DNAI7: variants seen among roughly 807,000 people sequenced by gnomAD.
DNAI7 encodes the protein cancer susceptibility 1.
In DNAI7, 78 loss-of-function variants were observed where a neutral mutation model predicts 86.6. The observed-to-expected ratio is 0.90, with a 90% confidence interval of 0.75 to 1.09. DNAI7 has a LOEUF of 1.09. Ranked by LOEUF, DNAI7 falls within the 50% of genes least tolerant of loss-of-function variation. The pLI is 0.00. For synonymous variants in DNAI7, 274 were observed against 273.0 expected, an observed-to-expected ratio of 1.00 and a Z score of -0.04; for missense variants, 753 against 810.2, an observed-to-expected ratio of 0.93 and a Z score of 0.86.
chr12:25,131,543 A>C (rs1942924304), intron 9 of DNAI7, among the ~76,000 whole-genome samples: 1 of 152,210 alleles, frequency 6.6e-6, no homozygotes, highest in African/African-American at 2.4e-5. Flanking sequence ...ATGCCGGATC[A>C]CTAAAGGGGT....
At chr12:25,116,837 C>G (rs568187037) in intron 12 of DNAI7, among the ~76,000 whole-genome samples, 1 of 152,258 alleles carries the variant, frequency 6.6e-6, no homozygotes, top group South Asian at 2.1e-4. Context: ...GGAATATTAC[C>G]ATTAAAGTGA....
chr12:25,121,679 T>C, intron 11 of DNAI7, 74 bp downstream of exon 11: 1 of 1,203,078 alleles, frequency 8.3e-7, no homozygotes, highest in Non-Finnish European at 1.2e-6. Flanking sequence ...TTATTAGATG[T>C]TAGATAATAT....
At chr12:25,159,586 G>A (rs1454912076) in intron 3 of DNAI7, among the ~76,000 whole-genome samples, 1 of 152,124 alleles carries the variant, frequency 6.6e-6, no homozygotes, top group East Asian at 1.9e-4. Context: ...ACCTATCATG[G>A]CAATGAAGAG....
At chr12:25,107,418 C>T (rs1397845441), downstream of DNAI7, among the ~76,000 whole-genome samples, 1 of 152,148 alleles carries the variant, frequency 6.6e-6, no homozygotes, top group African/African-American at 2.4e-5. Context: ...GGTCTTGGAG[C>T]ATATCCCACA....
intron 4 of DNAI7, 62 bp downstream of exon 4, chr12:25,158,409 TG>T: frequency 7.5e-7 from 1 of 1,331,718 alleles, no homozygotes. Flanking sequence ...GGACATTAAA[TG>T]ACAATAAATC....
chr12:25,175,009 G>A (rs932910193), intron 2 of DNAI7, among the ~76,000 whole-genome samples: 4 of 151,908 alleles, frequency 2.6e-5, no homozygotes, highest in Non-Finnish European at 4.4e-5. Flanking sequence ...ATACGGTGCA[G>A]TGTATACTGC....
chr12:25,185,741 G>T, intron 2 of DNAI7: 1 of 980,104 alleles, frequency 1.0e-6, no homozygotes, highest in Non-Finnish European at 1.2e-6. Flanking sequence ...ATGAAAACCA[G>T]GACTCACTCT....
chr12:25,121,738 C>G lies in DNAI7; in HGVS notation c.1239+15G>C, dbSNP rs1378710919. ...ATTATTTTACTTATAAGTTTTGATT[C>G]AAGAATCAACCTACTTCCACAATCA... On this transcript the variant is annotated intron_variant, in intron 11 of 15. Transcript: ENST00000395987. 6.3e-7 allele frequency: 1 copy of G among 1,583,296 alleles called. No individual in the cohort carries two copies. The highest frequency in any genetic ancestry group is 8.5e-7 in the Non-Finnish European group (1 of 1,169,732).
chr12:25,168,801 G>A (rs907422360), intron 2 of DNAI7, among the ~76,000 whole-genome samples: 8 of 151,992 alleles, frequency 5.3e-5, no homozygotes, highest in Non-Finnish European at 7.4e-5. Context: ...TTTAATACCT[G>A]TTTTTCTCCT....
intron 13 of DNAI7, among the ~76,000 whole-genome samples, chr12:25,113,269 G>T (rs10842470): frequency 0.62 from 89,094 of 144,478 alleles, 29,208 homozygotes; most frequent in East Asian, 0.9. Context: ...CACCTAGTTT[G>T]TTGTTGTTGC....
rs775335971 is a variant in DNAI7 at position 25,110,213 on chromosome 12, G to A, written c.1807C>T (p.Arg603Ter). The change falls in exon 15 of 16, where the codon CGA (arginine) becomes TGA (stop). Residue 603 changes from arginine (R) to a stop codon, truncating the protein, a stop_gained. Coordinates refer to ENST00000395987, the MANE Select transcript of DNAI7 (RefSeq NM_018272.5). LOFTEE classifies it high-confidence loss of function. The stretch of plus-strand genomic sequence containing the variant: ...GCAGAACTTAGTAGGGCCATCTGTC[G>A]ATAAGCTTTCACTTCTACCAAAGGA... The part of the protein sequence containing the change: ...KVPLVEVKAY[R>*]QMALLSSAFA... 51 of 1,609,618 alleles carry A rather than the reference G, an allele frequency of 3.2e-5. 1 individual carries two copies. In the Middle Eastern group the frequency reaches 8.2e-4, roughly 26 times the overall value.
chr12:25,182,358 A>C (rs972067470), intron 2 of DNAI7, among the ~76,000 whole-genome samples: 1 of 151,520 alleles, frequency 6.6e-6, no homozygotes, highest in African/African-American at 2.4e-5. Flanking sequence ...AAAAAAAAAA[A>C]AAAAAAAAGA....
intron 9 of DNAI7, among the ~76,000 whole-genome samples, chr12:25,143,336 C>T (rs895013132): frequency 2.0e-5 from 3 of 151,482 alleles, no homozygotes; most frequent in Admixed American, 1.3e-4. Context: ...GCAACATCCG[C>T]CTCCTGGGTT....
chr12:25,168,081 C>T (rs1947701362), intron 2 of DNAI7, among the ~76,000 whole-genome samples: 1 of 152,202 alleles, frequency 6.6e-6, no homozygotes. Context: ...ACACAGTTAC[C>T]TCATCAGTTC....
At chr12:25,159,713 A>G (rs896293997) in intron 3 of DNAI7, among the ~76,000 whole-genome samples, 1 of 152,164 alleles carries the variant, frequency 6.6e-6, no homozygotes, top group Non-Finnish European at 1.5e-5. Flanking sequence ...CATATTGAAG[A>G]GTATAAGTTT....
At chr12:25,178,423 G>A (rs1949174298) in intron 2 of DNAI7, among the ~76,000 whole-genome samples, 1 of 152,044 alleles carries the variant, frequency 6.6e-6, no homozygotes, top group African/African-American at 2.4e-5. Flanking sequence ...TTAAAGTCAT[G>A]TCTCCCTTTT....
chr12:25,150,632 AT>A (rs1191203008), intron 6 of DNAI7, among the ~76,000 whole-genome samples: 5 of 150,740 alleles, frequency 3.3e-5, no homozygotes, highest in Admixed American at 6.6e-5. Context: ...AAAATTAATA[AT>A]GGAACATCAT....
At chr12:25,149,264 A>G (rs763930513) in intron 7 of DNAI7, among the ~76,000 whole-genome samples, 2 of 152,182 alleles carry the variant, frequency 1.3e-5, no homozygotes, top group Non-Finnish European at 2.9e-5. Flanking sequence ...GCAAATAGAA[A>G]TAGTATTCTA....
At chr12:25,173,916 AAT>A (rs575982470) in intron 2 of DNAI7, among the ~76,000 whole-genome samples, 2 of 145,482 alleles carry the variant, frequency 1.4e-5, no homozygotes, top group South Asian at 2.3e-4. Context: ...ATATATATGG[AAT>A]ATATATATCA....
Sources: allele counts gnomAD v4.1 joint callset (sites outside exome capture counted in the v4.1 genomes callset), GRCh38; gene constraint gnomAD v4.1.1; transcripts MANE v1.5; gene names NCBI Gene and HGNC (gene_info 2026-07-23, HGNC 2026-07-21).